Variants in NEK7 observed in about 807,000 individuals in gnomAD.
NEK7 encodes serine/threonine-protein kinase Nek7.
Under a neutral mutation model 44.6 loss-of-function variants are expected in NEK7, and 18 were observed. The ratio of observed to expected loss-of-function variants is 0.40; its 90% CI spans 0.28 to 0.60. NEK7 has a LOEUF of 0.60. NEK7 is among the 20% of genes least tolerant of loss of function. NEK7 has a pLI of 0.38. For synonymous variants in NEK7, 130 were observed against 121.1 expected (o/e 1.07, Z -0.48); for missense variants, 256 against 366.5 (o/e 0.70, Z 2.46).
At chr1:198,161,874 G>C (rs1056920630) in intron 1 of NEK7, among the ~76,000 whole-genome samples, 3 of 151,938 alleles carry the variant, frequency 2.0e-5, no homozygotes, top group African/African-American at 7.2e-5. Flanking sequence ...ATGTTTCTTT[G>C]TCTAGTAGTT....
At position 198,307,379 on chromosome 1, in the gene NEK7, C is replaced by G. The variant is rs1457513226; in HGVS notation, c.798+10139C>G. Among the ~76,000 whole-genome samples the G allele has an allele frequency of 2.6e-5, 4 of 152,184 alleles. No individual in the cohort carries two copies. The East Asian group carries it at 7.7e-4, about 29-fold the overall frequency. On this transcript the variant is annotated intron_variant, in intron 9 of 9. Coordinates refer to ENST00000367385, the MANE Select transcript of NEK7 (RefSeq NM_133494.3). ...ATCAAAGCACAGTTTTGGAAAGGCACTTTGTCAGCAGGATAAACAAATGTG... is the reference window on the plus strand; with the variant it reads ...ATCAAAGCACAGTTTTGGAAAGGCAGTTTGTCAGCAGGATAAACAAATGTG...
chr1:198,304,219 T>C (rs1177225718), intron 9 of NEK7, among the ~76,000 whole-genome samples: 1 of 152,196 alleles, frequency 6.6e-6, no homozygotes, highest in Non-Finnish European at 1.5e-5. Flanking sequence ...TGTAAGACTT[T>C]CACAGTTTTC....
intron 3 of NEK7, among the ~76,000 whole-genome samples, chr1:198,255,847 G>A (rs992776576): frequency 5.3e-5 from 8 of 152,096 alleles, no homozygotes; most frequent in Non-Finnish European, 8.8e-5. Context: ...CCTTTGTAAG[G>A]AGAAATATAT....
At chr1:198,256,190 A>T in intron 3 of NEK7, 1 of 1,021,284 alleles carries the variant, frequency 9.8e-7, no homozygotes. Context: ...TTCTCTGCTT[A>T]CAAATTTTTA....
At chr1:198,305,267 A>T (rs1003510888) in intron 9 of NEK7, among the ~76,000 whole-genome samples, 3 of 152,180 alleles carry the variant, frequency 2.0e-5, no homozygotes, top group African/African-American at 7.2e-5. Context: ...TTGAAACCTG[A>T]CATGAAGGAA....
chr1:198,298,440 G>T (rs890595876), intron 9 of NEK7, among the ~76,000 whole-genome samples: 1 of 152,014 alleles, frequency 6.6e-6, no homozygotes, highest in African/African-American at 2.4e-5. Flanking sequence ...GTTTTTTTCT[G>T]CATAGCATTT....
chr1:198,318,134 G>A (rs1036346723), intron 9 of NEK7, among the ~76,000 whole-genome samples: 4 of 151,994 alleles, frequency 2.6e-5, no homozygotes, highest in African/African-American at 9.7e-5. Context: ...CATTCTGCTA[G>A]AATCGTAAAA....
chr1:198,227,936 C>T (rs1381268763), intron 1 of NEK7, among the ~76,000 whole-genome samples: 1 of 152,110 alleles, frequency 6.6e-6, no homozygotes, highest in Admixed American at 6.6e-5. Context: ...GACATGAAGT[C>T]CTTGCCCATG....
chr1:198,273,557 AT>A (rs1177448034), intron 5 of NEK7, among the ~76,000 whole-genome samples: 1 of 151,770 alleles, frequency 6.6e-6, no homozygotes, highest in African/African-American at 2.4e-5. Flanking sequence ...ATATAGTCTT[AT>A]AAAATTGCAT....
intron 5 of NEK7, among the ~76,000 whole-genome samples, chr1:198,264,672 A>G (rs1653590790): frequency 1.3e-5 from 2 of 152,080 alleles, no homozygotes; most frequent in Admixed American, 1.3e-4. Flanking sequence ...TCAACCCCAC[A>G]TAAAAGTTGT....
intron 7 of NEK7, among the ~76,000 whole-genome samples, chr1:198,283,887 C>A (rs1280531214): frequency 6.6e-6 from 1 of 152,030 alleles, no homozygotes; most frequent in African/African-American, 2.4e-5. Flanking sequence ...GTTGTATGAC[C>A]CACAATTTGG....
chr1:198,161,845 C>T (rs1011009816), intron 1 of NEK7, among the ~76,000 whole-genome samples: 1 of 151,922 alleles, frequency 6.6e-6, no homozygotes, highest in Non-Finnish European at 1.5e-5. Flanking sequence ...GACAAAGAAA[C>T]ATACCAAAAC....
intron 1 of NEK7, among the ~76,000 whole-genome samples, chr1:198,172,339 T>C (rs1447465235): frequency 6.6e-6 from 1 of 152,198 alleles, no homozygotes; most frequent in Non-Finnish European, 1.5e-5. Context: ...TTTGGACACT[T>C]AATTTATGTC....
At chr1:198,159,219 C>T (rs1369079322) in intron 1 of NEK7, among the ~76,000 whole-genome samples, 2 of 152,060 alleles carry the variant, frequency 1.3e-5, no homozygotes, top group African/African-American at 4.8e-5. Flanking sequence ...CAGCCCTGGG[C>T]TCGGAGAAGG....
intron 1 of NEK7, among the ~76,000 whole-genome samples, chr1:198,187,861 G>T (rs1406249317): frequency 6.6e-6 from 1 of 152,216 alleles, no homozygotes; most frequent in Non-Finnish European, 1.5e-5. Context: ...AAAGGTACAA[G>T]GTTATGTAAT....
intron 1 of NEK7, among the ~76,000 whole-genome samples, chr1:198,177,782 T>C (rs1426983985): frequency 6.6e-6 from 1 of 152,062 alleles, no homozygotes; most frequent in Non-Finnish European, 1.5e-5. Context: ...GATTTCAGTT[T>C]TACTTTGATA....
At chr1:198,204,861 A>T (rs866820024) in intron 1 of NEK7, among the ~76,000 whole-genome samples, 33 of 151,990 alleles carry the variant, frequency 2.2e-4, no homozygotes, top group African/African-American at 3.9e-4. Context: ...TCTGTTTTTT[A>T]AAAAAAAGGA....
Position 198,253,135 on chromosome 1 carries a change from A to C in NEK7, c.153A>C (p.Ala51=). The C allele has an allele frequency of 6.2e-7, 1 of 1,612,140 alleles. No homozygotes were observed. Among genetic ancestry groups the C allele is most frequent in the Non-Finnish European group, 8.5e-7 (1 of 1,178,486 alleles). ...GACAATTTAGTGAAGTTTATAGAGCAGCCTGTCTCTTGGATGGAGTACCAG... is the reference window on the plus strand; with the variant it reads ...GACAATTTAGTGAAGTTTATAGAGCCGCCTGTCTCTTGGATGGAGTACCAG... ...GRGQFSEVYR[A]ACLLDGVPVA... is the part of the protein sequence containing the mutation. The change falls in exon 3 of 10, where the codon GCA becomes GCC. Residue 51 remains alanine (A), a synonymous_variant. Transcript: ENST00000367385.
At chr1:198,281,180 A>G (rs1222478788) in intron 7 of NEK7, among the ~76,000 whole-genome samples, 1 of 152,072 alleles carries the variant, frequency 6.6e-6, no homozygotes, top group South Asian at 2.1e-4. Context: ...TAAAATAGCA[A>G]GGATAGAAAT....
Sources: gnomAD v4.1 joint callset for allele counts (sites outside exome capture counted in the v4.1 genomes callset) on GRCh38, gnomAD v4.1.1 for gene constraint, MANE v1.5 for transcripts, NCBI Gene and HGNC (gene_info 2026-07-23, HGNC 2026-07-21) for gene names.